ZNF679: variants seen among roughly 807,000 people sequenced by gnomAD.
ZNF679 encodes the protein zinc finger protein 679.
In ZNF679, 10 loss-of-function variants were observed where a neutral mutation model predicts 13.4. The observed-to-expected ratio is 0.75, with a 90% CI of 0.46 to 1.27. ZNF679 has a LOEUF of 1.27. Ranked by LOEUF, ZNF679 falls within the 50% of genes most tolerant of loss-of-function variation. The pLI is 0.00. For missense variants in ZNF679, 525 were observed against 477.8 expected (o/e 1.10, Z -0.92); for synonymous variants, 179 against 162.5 (o/e 1.10, Z -0.77).
intron 1 of ZNF679, among the ~76,000 whole-genome samples, chr7:64,240,687 G>A (rs1787786484): frequency 6.6e-6 from 1 of 152,200 alleles, no homozygotes; most frequent in African/African-American, 2.4e-5. Context: ...GCAGCCACAG[G>A]TGAGACAGTG....
At chr7:64,263,255 C>A (rs999913197) in intron 4 of ZNF679, among the ~76,000 whole-genome samples, 3 of 151,994 alleles carry the variant, frequency 2.0e-5, no homozygotes, top group African/African-American at 7.3e-5. Flanking sequence ...CCATGCCCAG[C>A]TAATTTTTAA....
chr7:64,234,362 A>G (rs1478294648), intron 1 of ZNF679, among the ~76,000 whole-genome samples: 1 of 152,218 alleles, frequency 6.6e-6, no homozygotes, highest in African/African-American at 2.4e-5. Flanking sequence ...TTCTCTGGCC[A>G]GCAGCAGAGG....
intron 1 of ZNF679, among the ~76,000 whole-genome samples, chr7:64,241,042 T>C (rs1006078839): frequency 6.6e-6 from 1 of 152,122 alleles, no homozygotes; most frequent in Non-Finnish European, 1.5e-5. Flanking sequence ...ACCTTAACAG[T>C]GGGTTCTGTT....
At chr7:64,265,043 T>TAAAATA (rs1491102240) in intron 4 of ZNF679, among the ~76,000 whole-genome samples, 1 of 152,076 alleles carries the variant, frequency 6.6e-6, no homozygotes, top group Non-Finnish European at 1.5e-5. Flanking sequence ...TGGATTATCT[T>TAAAATA]ATGTTTTTAA....
chr7:64,266,389 C>T lies in ZNF679; in HGVS notation c.756C>T (p.Ser252=), dbSNP rs202008880. 4.3e-6 allele frequency: 7 copies of T among 1,612,998 alleles called. No homozygotes were observed. The highest frequency in any genetic ancestry group is 5.9e-6 in the Non-Finnish European group (7 of 1,179,408). The part of the protein sequence containing the change: ...CEECGKAFTW[S]STLTKHRRIH... ...AATGTGGCAAAGCTTTTACCTGGTC[C>T]TCAACCCTTACTAAACATAGGAGAA... Residue 252 remains serine (S), a synonymous_variant, in exon 5 of 5, where the codon TCC becomes TCT. Transcript: ENST00000421025.
chr7:64,262,483 T>C (rs757545952), intron 4 of ZNF679, among the ~76,000 whole-genome samples: 1 of 152,236 alleles, frequency 6.6e-6, no homozygotes, highest in Non-Finnish European at 1.5e-5. Context: ...TTGTTTAAAA[T>C]ATTTTTTGTA....
At chr7:64,259,635 A>T (rs1420977464) in intron 2 of ZNF679, among the ~76,000 whole-genome samples, 1 of 152,062 alleles carries the variant, frequency 6.6e-6, no homozygotes, top group Non-Finnish European at 1.5e-5. Context: ...GTTTCTTTAT[A>T]ATTAAATTTA....
chr7:64,249,660 A>T (rs959043848), intron 2 of ZNF679, among the ~76,000 whole-genome samples: 1 of 152,196 alleles, frequency 6.6e-6, no homozygotes, highest in Admixed American at 6.5e-5. Flanking sequence ...AGAGACTTGA[A>T]GAAGTCTGTT....
At chr7:64,235,206 A>G (rs1375057323) in intron 1 of ZNF679, among the ~76,000 whole-genome samples, 1 of 152,132 alleles carries the variant, frequency 6.6e-6, no homozygotes. Context: ...TTAAAAACTC[A>G]CAAATATGTG....
chr7:64,236,035 G>A (rs1156548944), intron 1 of ZNF679, among the ~76,000 whole-genome samples: 1 of 152,070 alleles, frequency 6.6e-6, no homozygotes, highest in Non-Finnish European at 1.5e-5. Context: ...GGGAGGCCAA[G>A]GTGGGTGGAT....
chr7:64,255,276 C>T (rs1787990708), intron 2 of ZNF679, among the ~76,000 whole-genome samples: 1 of 152,186 alleles, frequency 6.6e-6, no homozygotes, highest in Non-Finnish European at 1.5e-5. Context: ...GATTCTCACA[C>T]ATTCACAGAC....
chr7:64,234,944 T>C (rs1333785527), intron 1 of ZNF679, among the ~76,000 whole-genome samples: 1 of 152,146 alleles, frequency 6.6e-6, no homozygotes, highest in Non-Finnish European at 1.5e-5. Context: ...TTCAAGCGAT[T>C]CTTGCGCCTC....
At chr7:64,241,699 A>G (rs1237008796) in intron 1 of ZNF679, among the ~76,000 whole-genome samples, 1 of 152,244 alleles carries the variant, frequency 6.6e-6, no homozygotes, top group Admixed American at 6.5e-5. Context: ...GATAGGTCAC[A>G]ATCCCAACTA....
chr7:64,263,221 G>A (rs889921408), intron 4 of ZNF679, among the ~76,000 whole-genome samples: 2 of 151,768 alleles, frequency 1.3e-5, no homozygotes, highest in African/African-American at 4.8e-5. Flanking sequence ...CCTCCTGAGT[G>A]GCTGACATTA....
intron 1 of ZNF679, among the ~76,000 whole-genome samples, chr7:64,243,084 T>G (rs1445326192): frequency 6.6e-6 from 1 of 152,200 alleles, no homozygotes; most frequent in Non-Finnish European, 1.5e-5. Context: ...TGCTGGACCC[T>G]GATATGACAC....
chr7:64,246,985 A>G (rs2116525830), intron 1 of ZNF679, among the ~76,000 whole-genome samples: 1 of 152,314 alleles, frequency 6.6e-6, no homozygotes, highest in Non-Finnish European at 1.5e-5. Flanking sequence ...GGGATGGGCA[A>G]TTCCCAGAAC....
At chr7:64,257,976 C>T (rs1390132335) in intron 2 of ZNF679, among the ~76,000 whole-genome samples, 1 of 152,126 alleles carries the variant, frequency 6.6e-6, no homozygotes, top group East Asian at 1.9e-4. Context: ...TTGAGGGGTT[C>T]AAGTTACGTT....
At position 64,249,147 on chromosome 7, in the gene ZNF679, C is replaced by T. The variant is rs1787908918; in HGVS notation, c.30C>T (p.Ser10=). The T allele has an allele frequency of 6.2e-7, 1 of 1,613,986 alleles. No individual in the cohort carries two copies. The highest frequency in any genetic ancestry group is 8.5e-7 in the Non-Finnish European group (1 of 1,180,028). Reference sequence around the variant, plus strand: ...CTAAAAGACCGGGATCCCCTGGAAGCCGAGAAATGGTGAGTGCTGGGTCTG... The same window carrying T: ...CTAAAAGACCGGGATCCCCTGGAAGTCGAGAAATGGTGAGTGCTGGGTCTG... MAKRPGSPG[S]REMGLLTFRD... is the part of the protein sequence containing the mutation. Residue 10 remains serine (S), a synonymous_variant, in exon 2 of 5, where the codon AGC becomes AGT. Coordinates refer to ENST00000421025, the MANE Select transcript of ZNF679 (RefSeq NM_153363.3).
intron 2 of ZNF679, among the ~76,000 whole-genome samples, chr7:64,258,341 A>C (rs1788030614): frequency 6.6e-6 from 1 of 152,118 alleles, no homozygotes; most frequent in Non-Finnish European, 1.5e-5. Context: ...TTATCTGAAA[A>C]TACATTTCAG....
Sources: allele counts gnomAD v4.1 joint callset (sites outside exome capture counted in the v4.1 genomes callset), GRCh38; gene constraint gnomAD v4.1.1; transcripts MANE v1.5; gene names NCBI Gene and HGNC (gene_info 2026-07-23, HGNC 2026-07-21).